The following POLN variants were observed in gnomAD, a reference collection of about 807,000 sequenced individuals.
POLN encodes the protein DNA polymerase N.
POLN carries 108 observed loss-of-function variants against 113.5 expected under a neutral mutation model. That is an observed-to-expected ratio of 0.95 (90% CI 0.81 to 1.12). The LOEUF (loss-of-function observed/expected upper bound fraction) is 1.12. Ranked by LOEUF, POLN falls within the 50% of genes most tolerant of loss-of-function variation. The pLI, the probability that POLN is intolerant of heterozygous loss-of-function variation, is 0.00. For missense variants in POLN, 1,097 were observed against 1,077.1 expected, an observed-to-expected ratio of 1.02 and a Z score of -0.26; for synonymous variants, 386 against 391.5, an observed-to-expected ratio of 0.99 and a Z score of 0.17.
intron 19 of POLN, among the ~76,000 whole-genome samples, chr4:2,108,228 G>A (rs1731114545): frequency 6.6e-6 from 1 of 152,212 alleles, no homozygotes; most frequent in Non-Finnish European, 1.5e-5. Context: ...CAAGGGCTCA[G>A]ATCAAAGCTC....
chr4:2,228,625 C>T (rs1005700592), intron 3 of POLN: 107 of 168,082 alleles, frequency 6.4e-4, no homozygotes, highest in East Asian at 5.6e-4. Flanking sequence ...CGTGAGCCAC[C>T]GCACCCGGCC....
intron 19 of POLN, among the ~76,000 whole-genome samples, chr4:2,099,857 A>G (rs1306427096): frequency 6.6e-6 from 1 of 152,074 alleles, no homozygotes; most frequent in Non-Finnish European, 1.5e-5. Context: ...TAAAAAAGTG[A>G]TCCAGTTCAA....
Position 2,093,832 on chromosome 4 carries a change from T to G in POLN, c.2065+2019A>C, listed in dbSNP as rs6599404. Reference sequence around the variant, plus strand: ...TAGTCTATTTTCCAAAAACCATGTATACAATCAAAATGTTTTCAAAAGTGG... The same window carrying G: ...TAGTCTATTTTCCAAAAACCATGTAGACAATCAAAATGTTTTCAAAAGTGG... On this transcript the variant is annotated intron_variant, in intron 20 of 25. Coordinates refer to ENST00000511885, the MANE Select transcript of POLN (RefSeq NM_181808.4). The surrounding 1 kb of genome is among the most constrained non-coding windows in gnomAD (Gnocchi z 4.1). Among the ~76,000 whole-genome samples, 2 of 152,244 alleles carry G rather than the reference T, an allele frequency of 1.3e-5. No individual in the cohort carries two copies. The highest frequency in any genetic ancestry group is 4.8e-5 in the African/African-American group (2 of 41,492).
At chr4:2,113,605 C>T (rs1298970291) in intron 19 of POLN, among the ~76,000 whole-genome samples, 3 of 151,016 alleles carry the variant, frequency 2.0e-5, no homozygotes, top group Non-Finnish European at 4.4e-5. Flanking sequence ...TGCCTGTAAT[C>T]CCAGCACTTT....
At chr4:2,106,608 C>T (rs2108708337) in intron 19 of POLN, among the ~76,000 whole-genome samples, 1 of 152,300 alleles carries the variant, frequency 6.6e-6, no homozygotes, top group East Asian at 1.9e-4. Context: ...AAACAGAAAG[C>T]CCAGGGCTCT....
intron 13 of POLN, among the ~76,000 whole-genome samples, chr4:2,168,045 GA>G (rs1732771176): frequency 6.6e-6 from 1 of 151,960 alleles, no homozygotes. Context: ...CAAACAATGA[GA>G]AAAAAATAAT....
At chr4:2,162,961 T>C (rs1397401096) in intron 13 of POLN, among the ~76,000 whole-genome samples, 2 of 150,912 alleles carry the variant, frequency 1.3e-5, no homozygotes, top group East Asian at 3.9e-4. Context: ...GCGCCCAGAT[T>C]ATTTTGGCTC....
At chr4:2,204,109 C>CAGAAAAAAAAAAAAAA (rs1733784182) in intron 5 of POLN, among the ~76,000 whole-genome samples, 1 of 53,234 alleles carries the variant, frequency 1.9e-5, no homozygotes, top group East Asian at 5.8e-4. Context: ...AACTCTATCA[C>CAGAAAAAAAAAAAAAA]AAAAAAAAAA....
At chr4:2,095,160 G>T (rs547977685) in intron 20 of POLN, among the ~76,000 whole-genome samples, 16 of 151,698 alleles carry the variant, frequency 1.1e-4, no homozygotes, top group African/African-American at 3.9e-4. Flanking sequence ...AGAGTAGAAG[G>T]CCTGCTCTGA....
At chr4:2,107,447 G>A (rs934745589) in intron 19 of POLN, among the ~76,000 whole-genome samples, 3 of 152,276 alleles carry the variant, frequency 2.0e-5, no homozygotes, top group East Asian at 1.9e-4. Flanking sequence ...GTTAGCTTGC[G>A]GCGGGTAAAT....
chr4:2,156,963 C>A, intron 15 of POLN, 110 bp from the exon 16 acceptor site: 1 of 861,234 alleles, frequency 1.2e-6, no homozygotes, highest in Non-Finnish European at 1.9e-6. Flanking sequence ...CTCCAGAGGC[C>A]AACAAGCTGC....
At chr4:2,122,993 A>G (rs948174415) in intron 19 of POLN, among the ~76,000 whole-genome samples, 16 of 151,834 alleles carry the variant, frequency 1.1e-4, no homozygotes, top group Non-Finnish European at 2.1e-4. Context: ...CCTCTACCAA[A>G]AAGAAAAAAA....
intron 16 of POLN, among the ~76,000 whole-genome samples, chr4:2,150,296 G>C (rs1311692534): frequency 6.6e-6 from 1 of 151,730 alleles, no homozygotes; most frequent in African/African-American, 2.4e-5. Context: ...CATTTTATTA[G>C]CTAATATTAA....
At chr4:2,076,578 C>T (rs1379123764) in intron 23 of POLN, 1 of 152,354 alleles carries the variant, frequency 6.6e-6, no homozygotes, top group Non-Finnish European at 1.5e-5. Flanking sequence ...GACCTTGGCT[C>T]TGTCTCCTGG....
At chr4:2,077,343 T>C (rs1040482464) in intron 23 of POLN, among the ~76,000 whole-genome samples, 11 of 152,206 alleles carry the variant, frequency 7.2e-5, no homozygotes, top group African/African-American at 2.7e-4. Context: ...TGGGCCTGTG[T>C]TCCTGACGGC....
chr4:2,161,524 G>A (rs1732589749), intron 13 of POLN, among the ~76,000 whole-genome samples: 1 of 152,230 alleles, frequency 6.6e-6, no homozygotes, highest in East Asian at 1.9e-4. Flanking sequence ...CTCGGGACCT[G>A]CAACCCGCCA....
chr4:2,185,039 T>G (rs539208414), intron 7 of POLN, among the ~76,000 whole-genome samples: 1 of 152,212 alleles, frequency 6.6e-6, no homozygotes, highest in Non-Finnish European at 1.5e-5. Flanking sequence ...TAAAAGGGGA[T>G]TTCTCTTTAT....
At chr4:2,190,417 T>C (rs1733410674) in intron 7 of POLN, among the ~76,000 whole-genome samples, 1 of 151,538 alleles carries the variant, frequency 6.6e-6, no homozygotes, top group African/African-American at 2.4e-5. Context: ...GACCTGAAAC[T>C]ATGAAACATC....
intron 20 of POLN, among the ~76,000 whole-genome samples, chr4:2,086,446 A>G (rs575035078): frequency 6.6e-6 from 1 of 152,176 alleles, no homozygotes; most frequent in South Asian, 2.1e-4. Context: ...GGCCCTGGGG[A>G]TGTTGCCTGA....
Sources: allele counts gnomAD v4.1 joint callset (sites outside exome capture counted in the v4.1 genomes callset), GRCh38; gene constraint gnomAD v4.1.1; non-coding constraint Gnocchi (gnomAD v3.1); transcripts MANE v1.5; gene names NCBI Gene and HGNC (gene_info 2026-07-23, HGNC 2026-07-21).